Variants in THEMIS observed in about 807,000 individuals in gnomAD.
THEMIS encodes thymocyte selection associated.
In THEMIS, 37 loss-of-function variants were observed where a neutral mutation model predicts 52.6. The ratio of observed to expected loss-of-function variants is 0.70; its 90% CI spans 0.54 to 0.93. The LOEUF (loss-of-function observed/expected upper bound fraction) is 0.93. THEMIS is among the 40% of genes least tolerant of loss of function. The pLI, the probability that THEMIS is intolerant of heterozygous loss-of-function variation, is 0.00. For missense variants in THEMIS, 808 were observed against 763.1 expected, an observed-to-expected ratio of 1.06 and a Z score of -0.69; for synonymous variants, 292 against 272.7, an observed-to-expected ratio of 1.07 and a Z score of -0.70.
intron 4 of THEMIS, among the ~76,000 whole-genome samples, chr6:127,789,348 A>T (rs2114517262): frequency 6.6e-6 from 1 of 152,298 alleles, no homozygotes; most frequent in East Asian, 1.9e-4. Flanking sequence ...CCCTGAATAG[A>T]TCGATTACAG....
intron 1 of THEMIS, among the ~76,000 whole-genome samples, chr6:127,857,812 T>C (rs1422650460): frequency 2.0e-5 from 3 of 152,028 alleles, no homozygotes; most frequent in African/African-American, 2.4e-5. Context: ...GATAACAATA[T>C]AGTCTCTGTT....
chr6:127,872,657 A>C (rs564240261), intron 1 of THEMIS, among the ~76,000 whole-genome samples: 8 of 152,260 alleles, frequency 5.3e-5, no homozygotes. Flanking sequence ...AGCAAAACAA[A>C]AACAAAAACT....
intron 3 of THEMIS, among the ~76,000 whole-genome samples, chr6:127,824,738 C>T (rs1383895264): frequency 6.6e-6 from 1 of 152,158 alleles, no homozygotes; most frequent in African/African-American, 2.4e-5. Context: ...ACCTCGTGAT[C>T]CGCCCGCCTC....
chr6:127,848,973 T>C (rs910614540), intron 2 of THEMIS, among the ~76,000 whole-genome samples: 4 of 152,122 alleles, frequency 2.6e-5, no homozygotes, highest in Admixed American at 2.6e-4. Context: ...CCATTGCTTT[T>C]GTTGTTTTAG....
intron 1 of THEMIS, among the ~76,000 whole-genome samples, chr6:127,873,054 A>G (rs990416162): frequency 6.6e-5 from 10 of 152,234 alleles, no homozygotes; most frequent in African/African-American, 2.4e-4. Context: ...ATTGCTCAAA[A>G]AATGAAATAC....
Position 127,759,841 on chromosome 6 carries a change from TC to T in THEMIS, c.1759-40019del, listed in dbSNP as rs1393541298. Among the ~76,000 whole-genome samples, 104 of 74,670 alleles carry T rather than the reference TC, an allele frequency of 1.4e-3. 1 individual carries two copies. In the East Asian group the frequency reaches 0.032, roughly 23 times the overall value. The allele number at this position is 74,670 out of a possible 152,430, so 49.0% of individuals were successfully genotyped here. A position where few individuals can be genotyped will look rare whatever the true frequency, so the allele number is the denominator to read the frequency against. ...TTCCTTCCCTCCTTCCCTCCCTCCC[TC>T]CCTCCCTCCCTCCCTCCTTCCTTCC... On this transcript the variant is annotated intron_variant, in intron 4 of 5. Coordinates refer to ENST00000368248, the MANE Select transcript of THEMIS (RefSeq NM_001010923.3).
rs993280628 is a variant in THEMIS at position 127,781,296 on chromosome 6, C to G, written c.1758+31587G>C. Among the ~76,000 whole-genome samples, 3 of 151,804 alleles carry G rather than the reference C, an allele frequency of 2.0e-5. No homozygotes were observed. In the South Asian group the frequency reaches 6.2e-4, roughly 32 times the overall value. ...TATTCTAGTTAGCAATTCATCTAAC[C>G]TTTTTTCAAGGTTCTTAGCTTCCTT... is the stretch of plus-strand genomic sequence containing the variant. On this transcript the variant is annotated intron_variant, in intron 4 of 5. Coordinates refer to ENST00000368248, the MANE Select transcript of THEMIS (RefSeq NM_001010923.3).
At chr6:127,730,318 G>GAAAAAAAGAAAAGAAAAGAA (rs1774736205) in intron 4 of THEMIS, among the ~76,000 whole-genome samples, 1 of 116,958 alleles carries the variant, frequency 8.6e-6, no homozygotes, top group African/African-American at 3.6e-5. Context: ...AAAGAAAAGA[G>GAAAAAAAGAAAAGAAAAGAA]AAAAAAAGAA....
intron 4 of THEMIS, among the ~76,000 whole-genome samples, chr6:127,754,208 A>G (rs985155999): frequency 6.6e-6 from 1 of 152,208 alleles, no homozygotes; most frequent in Non-Finnish European, 1.5e-5. Flanking sequence ...ACATTTGGAT[A>G]AAGGGCTTTT....
chr6:127,880,133 T>C (rs576417207), intron 1 of THEMIS, among the ~76,000 whole-genome samples: 2 of 152,308 alleles, frequency 1.3e-5, no homozygotes, highest in African/African-American at 4.8e-5. Flanking sequence ...GCTTTTATTT[T>C]ATATGTTCCC....
chr6:127,890,090 G>C (rs1780757642), intron 1 of THEMIS, among the ~76,000 whole-genome samples: 1 of 152,054 alleles, frequency 6.6e-6, no homozygotes, highest in Non-Finnish European at 1.5e-5. Flanking sequence ...TTATTTCACA[G>C]AGTGATAGCC....
chr6:127,814,050 A>G, intron 3 of THEMIS, 119 bp from the exon 4 acceptor site: 1 of 847,572 alleles, frequency 1.2e-6, no homozygotes, highest in Non-Finnish European at 1.7e-6. Context: ...GATGATCATC[A>G]TATATCATTT....
At position 127,813,263 on chromosome 6, in the gene THEMIS, T is replaced by C. The variant is rs750670690; in HGVS notation, c.1378A>G (p.Lys460Glu). The change falls in exon 4 of 6, where the codon AAG becomes GAG. Residue 460 changes from lysine (K) to glutamate (E), a missense_variant. Lys to Glu is a moderately conservative substitution (Grantham distance 56, BLOSUM62 1). Coordinates refer to ENST00000368248, the MANE Select transcript of THEMIS (RefSeq NM_001010923.3). ...ATGGAAAGATCCCTGACAGACACCT[T>C]CACATTGAAGGGCAAACGGAACTGT... Reference protein sequence around the residue: ...CKQFRLPFNVKVSVRDLSIEE... With the variant: ...CKQFRLPFNVEVSVRDLSIEE... 2 of 1,614,076 alleles carry C rather than the reference T, an allele frequency of 1.2e-6. No homozygotes were observed. The highest frequency in any genetic ancestry group is 8.5e-7 in the Non-Finnish European group (1 of 1,180,002).
At position 127,893,684 on chromosome 6, in the gene THEMIS, A is replaced by G. The variant is rs1300467918; in HGVS notation, c.91+7158T>C. On this transcript the variant is annotated intron_variant, in intron 1 of 5. Coordinates refer to ENST00000368248, the MANE Select transcript of THEMIS (RefSeq NM_001010923.3). ...GTTGTCAACGGCGAGTATTCAATCC[A>G]ATACTACAGAACCTCACATGATTTG... is the stretch of plus-strand genomic sequence containing the variant. 2.0e-5 allele frequency among the ~76,000 whole-genome samples: 3 copies of G among 152,208 alleles called. No homozygotes were observed. In the East Asian group the frequency reaches 5.8e-4, roughly 29 times the overall value.
At chr6:127,875,293 G>C (rs1451842633) in intron 1 of THEMIS, among the ~76,000 whole-genome samples, 1 of 152,202 alleles carries the variant, frequency 6.6e-6, no homozygotes, top group Non-Finnish European at 1.5e-5. Flanking sequence ...ATAAATGTGT[G>C]TATGTGTGCA....
chr6:127,854,188 G>A (rs1338291868), intron 2 of THEMIS, among the ~76,000 whole-genome samples: 1 of 151,716 alleles, frequency 6.6e-6, no homozygotes, highest in Non-Finnish European at 1.5e-5. Context: ...TACAGTAGAT[G>A]AGTCAAATCC....
intron 4 of THEMIS, among the ~76,000 whole-genome samples, chr6:127,771,662 A>T (rs1247905112): frequency 6.6e-6 from 1 of 152,154 alleles, no homozygotes; most frequent in Non-Finnish European, 1.5e-5. Flanking sequence ...TCTATAGAAA[A>T]TACCAATGTC....
chr6:127,725,991 C>T (rs376348994), intron 4 of THEMIS, among the ~76,000 whole-genome samples: 1 of 152,206 alleles, frequency 6.6e-6, no homozygotes, highest in East Asian at 1.9e-4. Flanking sequence ...ACTTACCCTC[C>T]TTTGTTAGTG....
At chr6:127,857,217 A>G (rs139970235) in intron 1 of THEMIS, among the ~76,000 whole-genome samples, 95 of 152,188 alleles carry the variant, frequency 6.2e-4, no homozygotes, top group Middle Eastern at 6.8e-3. Flanking sequence ...GGTGTAATAA[A>G]GGAAATACAG....
Sources: gnomAD v4.1 joint callset for allele counts (sites outside exome capture counted in the v4.1 genomes callset) on GRCh38, gnomAD v4.1.1 for gene constraint, MANE v1.5 for transcripts, NCBI Gene and HGNC (gene_info 2026-07-23, HGNC 2026-07-21) for gene names.